The following PRKDC variants were observed in gnomAD, a reference collection of about 807,000 sequenced individuals.
PRKDC encodes DNA-dependent protein kinase catalytic subunit.
In PRKDC, 82 loss-of-function variants were observed where a neutral mutation model predicts 486.9. The observed-to-expected ratio is 0.17, with a 90% CI of 0.14 to 0.20. The LOEUF is 0.20. PRKDC is among the 10% of genes least tolerant of loss of function. PRKDC has a pLI of 1.00. For synonymous variants in PRKDC, 1,895 were observed against 1,837.0 expected (o/e 1.03, Z -0.81); for missense variants, 4,504 against 5,038.2 (o/e 0.89, Z 3.21).
At chr8:47,836,270 T>C (rs754372297) in intron 58 of PRKDC, 68 bp downstream of exon 58, 13 of 1,367,476 alleles carry the variant, frequency 9.5e-6, no homozygotes, top group Non-Finnish European at 1.2e-5. Flanking sequence ...CCCAACACTG[T>C]TGTGACAGAA....
At chr8:47,930,364 C>T (rs2090229366) in intron 17 of PRKDC, among the ~76,000 whole-genome samples, 1 of 152,204 alleles carries the variant, frequency 6.6e-6, no homozygotes, top group Admixed American at 6.5e-5. Flanking sequence ...GCTCCACCTC[C>T]CGGGTTCATG....
At chr8:47,893,051 T>C in intron 31 of PRKDC, 88 bp downstream of exon 31, 2 of 1,429,616 alleles carry the variant, frequency 1.4e-6, no homozygotes, top group Non-Finnish European at 1.9e-6. Context: ...CCTACCATCA[T>C]GTCGCTGGGA....
At chr8:47,910,502 C>G (rs918990755) in intron 25 of PRKDC, among the ~76,000 whole-genome samples, 1 of 152,200 alleles carries the variant, frequency 6.6e-6, no homozygotes, top group South Asian at 2.1e-4. Context: ...CAGCACCTAG[C>G]TCTCCCACTG....
chr8:47,790,736 T>C (rs1021267966), intron 74 of PRKDC, among the ~76,000 whole-genome samples: 1 of 152,072 alleles, frequency 6.6e-6, no homozygotes, highest in Non-Finnish European at 1.5e-5. Context: ...TGGAACAGAA[T>C]AGAGAACCCA....
At chr8:47,775,822 CTTT>C (rs377519551) in intron 85 of PRKDC, among the ~76,000 whole-genome samples, 2 of 138,612 alleles carry the variant, frequency 1.4e-5, no homozygotes, top group Admixed American at 7.3e-5. Flanking sequence ...ACTCCTATTC[CTTT>C]TTTTTTTTTT....
At chr8:47,774,628 T>C (rs2086572565) in intron 85 of PRKDC, among the ~76,000 whole-genome samples, 1 of 152,162 alleles carries the variant, frequency 6.6e-6, no homozygotes, top group South Asian at 2.1e-4. Flanking sequence ...AGGAGTGGCA[T>C]TGATGGGTCC....
intron 73 of PRKDC, among the ~76,000 whole-genome samples, chr8:47,795,275 C>T (rs1200055146): frequency 1.2e-4 from 18 of 144,626 alleles, no homozygotes; most frequent in East Asian, 2.1e-4. Flanking sequence ...CTGCAAGCTC[C>T]GCCTCCCAGG....
chr8:47,788,995 T>C lies in PRKDC; in HGVS notation c.10813A>G (p.Asn3605Asp). Residue 3605 changes from asparagine to aspartate, a missense_variant, in exon 76 of 86, where the codon AAC becomes GAC. Asn to Asp is a conservative substitution (Grantham distance 23, BLOSUM62 1). Around this residue, in one of 6 missense-constraint regions of PRKDC, gnomAD observed 706 missense variants for 945.0 expected, o/e 0.75. Coordinates refer to ENST00000314191, the MANE Select transcript of PRKDC (RefSeq NM_006904.7). ...ATTCTTTCATACATTTTTTCAATGT[T>C]TTTTTTATTTACAGGGGTTTTTGCT... ...ELAKTPVNKKNIEKMYERMYA... is the reference protein window; with the variant it reads ...ELAKTPVNKKDIEKMYERMYA... 1 of 1,613,576 alleles carries C rather than the reference T, an allele frequency of 6.2e-7. No homozygotes were observed. The highest frequency in any genetic ancestry group is 8.5e-7 in the Non-Finnish European group (1 of 1,179,702).
chr8:47,779,126 G>A (rs1351935559), intron 80 of PRKDC, 33 bp from the exon 81 acceptor site: 2 of 1,464,960 alleles, frequency 1.4e-6, no homozygotes, highest in Non-Finnish European at 1.9e-6. Flanking sequence ...TTGGAATTAG[G>A]AAGATTTTAG....
chr8:47,959,673 C>A (rs1388602163), intron 1 of PRKDC, among the ~76,000 whole-genome samples: 8 of 150,688 alleles, frequency 5.3e-5, no homozygotes, highest in African/African-American at 1.9e-4. Context: ...AGCGAGACTC[C>A]GTCTCAAAAA....
chr8:47,839,684 CAT>C (rs992600412), intron 55 of PRKDC, among the ~76,000 whole-genome samples: 1 of 152,122 alleles, frequency 6.6e-6, no homozygotes, highest in East Asian at 1.9e-4. Context: ...TACCAAAATA[CAT>C]GTTTTAATTA....
intron 55 of PRKDC, 96 bp downstream of exon 55, chr8:47,839,920 T>C: frequency 1.0e-6 from 1 of 956,280 alleles, no homozygotes. Context: ...GAGACTGCAG[T>C]GACCTGTGTT....
intron 54 of PRKDC, among the ~76,000 whole-genome samples, chr8:47,847,105 C>T (rs2088284595): frequency 6.6e-6 from 1 of 152,196 alleles, no homozygotes; most frequent in East Asian, 1.9e-4. Context: ...TCCTATCAAA[C>T]TACCTATGTC....
chr8:47,785,780 A>G (rs1181101331), intron 76 of PRKDC, among the ~76,000 whole-genome samples: 1 of 151,390 alleles, frequency 6.6e-6, no homozygotes, highest in Non-Finnish European at 1.5e-5. Context: ...GAATATTTCA[A>G]TACTCTAAAA....
intron 50 of PRKDC, 128 bp downstream of exon 50, chr8:47,855,094 T>C (rs1415083138): frequency 2.9e-6 from 3 of 1,018,354 alleles, no homozygotes; most frequent in Admixed American, 6.0e-5. Flanking sequence ...GTGGTTTTAT[T>C]AGTAACAATA....
chr8:47,903,746 T>C (rs2089726122), intron 26 of PRKDC, among the ~76,000 whole-genome samples: 1 of 152,250 alleles, frequency 6.6e-6, no homozygotes, highest in East Asian at 1.9e-4. Flanking sequence ...CCTTCAAGGA[T>C]CAAAAGGGAG....
intron 67 of PRKDC, 92 bp from the exon 68 acceptor site, chr8:47,817,653 T>G: frequency 1.3e-6 from 1 of 782,918 alleles, no homozygotes; most frequent in Admixed American, 2.8e-5. Flanking sequence ...AATTCAAACT[T>G]CCTGCCCAAA....
At chr8:47,877,127 A>T (rs1218527126) in intron 40 of PRKDC, among the ~76,000 whole-genome samples, 1 of 152,280 alleles carries the variant, frequency 6.6e-6, no homozygotes, top group Non-Finnish European at 1.5e-5. Flanking sequence ...ATAAATCCAG[A>T]ATATAAGACA....
Position 47,933,046 on chromosome 8 carries a change from C to T in PRKDC, c.1750G>A (p.Glu584Lys). The change falls in exon 16 of 86, where the codon GAA becomes AAA. Residue 584 changes from glutamate to lysine, a missense_variant. By Grantham distance (56) the Glu-to-Lys change is moderately conservative. Coordinates refer to ENST00000314191, the MANE Select transcript of PRKDC (RefSeq NM_006904.7). Reference sequence around the variant, plus strand: ...TCTTGTTCCCCAACAGTCTGTATTTCAAGTGTAAGATCCAATTTCTCAACA... The same window carrying T: ...TCTTGTTCCCCAACAGTCTGTATTTTAAGTGTAAGATCCAATTTCTCAACA... ...KIVEKLDLTL[E>K]IQTVGEQENG... 6.3e-7 allele frequency: 1 copy of T among 1,597,620 alleles called. No individual in the cohort carries two copies. The highest frequency in any genetic ancestry group is 8.5e-7 in the Non-Finnish European group (1 of 1,174,038).
Sources: allele counts gnomAD v4.1 joint callset (sites outside exome capture counted in the v4.1 genomes callset), GRCh38; gene constraint gnomAD v4.1.1; regional missense constraint gnomAD v4.1.1; transcripts MANE v1.5; gene names NCBI Gene and HGNC (gene_info 2026-07-23, HGNC 2026-07-21).